Variants in TREH observed in about 807,000 individuals in gnomAD.
TREH encodes trehalase.
Under a neutral mutation model 80.5 loss-of-function variants are expected in TREH, and 69 were observed. The observed-to-expected ratio is 0.86, with a 90% CI of 0.71 to 1.05. The LOEUF (loss-of-function observed/expected upper bound fraction) is 1.05, where lower values mean the gene tolerates loss of function less well. TREH is among the 50% of genes least tolerant of loss of function. The pLI is 0.00. For missense variants in TREH, 716 were observed against 718.8 expected (o/e 1.00, Z 0.04); for synonymous variants, 309 against 293.5 (o/e 1.05, Z -0.54).
In TREH at chr11:118,663,342, G is replaced by GAGCT. The variant is rs1290852344; in HGVS notation, c.183_186dup (p.Pro63SerfsTer11). On this transcript the variant is annotated frameshift_variant, in exon 2 of 15. Coordinates refer to ENST00000264029, the MANE Select transcript of TREH (RefSeq NM_007180.3). LOFTEE classifies it high-confidence loss of function. ...CGTTCAGCCCTAGGTGCTTCACCTG[G>GAGCT]AGCTATAGACAGTGGCATGTCCACA... The GAGCT allele has an allele frequency of 1.7e-5, 27 of 1,587,656 alleles. No homozygotes were observed. In the Admixed American group the frequency reaches 3.7e-4, roughly 22 times the overall value.
Position 118,661,059 on chromosome 11 carries a change from G to A in TREH, c.857+101C>T, listed in dbSNP as rs1208344884. ...GAGGGCTCTCGGTGTCACCATCTGA[G>A]AGGCCAGGCTAAGTCACTCCTCCTC... On this transcript the variant is annotated intron_variant, in intron 8 of 14. Coordinates refer to ENST00000264029, the MANE Select transcript of TREH (RefSeq NM_007180.3). The surrounding 1 kb of genome is among the most constrained non-coding windows in gnomAD (Gnocchi z 4.2). 6.3e-6 allele frequency: 10 copies of A among 1,579,058 alleles called. No individual in the cohort carries two copies. Among genetic ancestry groups the A allele is most frequent in the Non-Finnish European group, 7.8e-6 (9 of 1,159,452 alleles).
intron 4 of TREH, among the ~76,000 whole-genome samples, chr11:118,662,515 A>C (rs1949335428): frequency 6.6e-6 from 1 of 152,216 alleles, no homozygotes; most frequent in Non-Finnish European, 1.5e-5. Flanking sequence ...CAGCAGTAGC[A>C]CTGATTCCTC....
chr11:118,677,319 A>G (rs1949489949), intron 1 of TREH, among the ~76,000 whole-genome samples: 1 of 152,260 alleles, frequency 6.6e-6, no homozygotes, highest in Non-Finnish European at 1.5e-5. Flanking sequence ...AGTCCTGTCC[A>G]TATAAATCCA....
chr11:118,676,730 T>G (rs1242788673), intron 1 of TREH, among the ~76,000 whole-genome samples: 2 of 8,050 alleles, frequency 2.5e-4, no homozygotes, highest in Non-Finnish European at 3.7e-4. Context: ...TGCTCACCAC[T>G]GCACTGCCAG....
In TREH at chr11:118,662,007, G is replaced by A; in HGVS notation, c.424-17C>T. Reference sequence around the variant, plus strand: ...TGGCTTCATCTGGAGTCGGGAGAGAGGGCAAGGGGAGCCTAGAATCCCCAC... The same window carrying A: ...TGGCTTCATCTGGAGTCGGGAGAGAAGGCAAGGGGAGCCTAGAATCCCCAC... On this transcript the variant is annotated splice_polypyrimidine_tract_variant and intron_variant, in intron 4 of 14. Coordinates refer to ENST00000264029, the MANE Select transcript of TREH (RefSeq NM_007180.3). The A allele has an allele frequency of 1.3e-6, 2 of 1,543,978 alleles. No homozygotes were observed. The highest frequency in any genetic ancestry group is 1.8e-6 in the Non-Finnish European group (2 of 1,140,082).
Position 118,658,202 on chromosome 11 carries a change from G to T in TREH, c.*87C>A. On this transcript the variant is annotated 3_prime_UTR_variant, in exon 15 of 15. Transcript: ENST00000264029. The stretch of plus-strand genomic sequence containing the variant: ...GCTCTGAGGACAGGCTGGGAGGTAG[G>T]AGGGCATGAAGAGGCAGGGGAAGGC... 6.7e-7 allele frequency: 1 copy of T among 1,490,220 alleles called. No individual in the cohort carries two copies. Among genetic ancestry groups the T allele is most frequent in the Non-Finnish European group, 9.0e-7 (1 of 1,108,826 alleles). The allele number at this position is 1,490,220 out of a possible 1,614,324, so 92.3% of individuals were successfully genotyped here. A position where few individuals can be genotyped will look rare whatever the true frequency, so the allele number is the denominator to read the frequency against.
intron 10 of TREH, 83 bp from the exon 11 acceptor site, chr11:118,660,047 C>T: frequency 7.6e-7 from 1 of 1,316,324 alleles, no homozygotes; most frequent in Non-Finnish European, 1.0e-6. Context: ...CTTTAGCCTC[C>T]CCGCTTTGTG....
chr11:118,661,952 AGAGAACCGCTCAGGGTGGCT>A lies in TREH; in HGVS notation c.442_461del (p.Pro150LeufsTer15). On this transcript the variant is annotated frameshift_variant, in exon 5 of 15. Coordinates refer to ENST00000264029, the MANE Select transcript of TREH (RefSeq NM_007180.3). LOFTEE classifies it high-confidence loss of function. This position sits in a 1 kb window ranked among gnomAD's most constrained non-coding sequence, Gnocchi z 4.2. ...TGAAGGGATGTTCTGAGTAGATGAGAGAGAACCGCTCAGGGTGGCTGAGAACCTCTGGCTTCATCTGGAGT... is the reference window on the plus strand; with the variant it reads ...TGAAGGGATGTTCTGAGTAGATGAGAGAGAACCTCTGGCTTCATCTGGAGT... 1 of 1,555,398 alleles carries A rather than the reference AGAGAACCGCTCAGGGTGGCT, an allele frequency of 6.4e-7. No homozygotes were observed. The highest frequency in any genetic ancestry group is 8.7e-7 in the Non-Finnish European group (1 of 1,149,216).
rs150645357 is a variant in TREH at position 118,664,830 on chromosome 11, C to G, written c.90-1391G>C. Among the ~76,000 whole-genome samples the G allele has an allele frequency of 1.9e-3, 296 of 152,230 alleles. 9 individuals carry two copies. In the East Asian group the frequency reaches 0.042, roughly 22 times the overall value. On this transcript the variant is annotated intron_variant, in intron 1 of 14. Transcript: ENST00000264029. ...TACCTTCAAAAATGTGTGCTCTGGC[C>G]GGGCACAGTGGCTCATGCCTGTAAT...
chr11:118,670,913 T>C (rs189060673), intron 1 of TREH, among the ~76,000 whole-genome samples: 6 of 152,374 alleles, frequency 3.9e-5, no homozygotes, highest in Non-Finnish European at 7.3e-5. Context: ...GCATTTCTTA[T>C]TAATGCATGG....
At chr11:118,659,201 C>G (rs1555144234) in intron 12 of TREH, among the ~76,000 whole-genome samples, 169 bp downstream of exon 12, 1 of 152,226 alleles carries the variant, frequency 6.6e-6, no homozygotes, top group Non-Finnish European at 1.5e-5. Flanking sequence ...ACTGATTGCA[C>G]TGGACAGGCT....
chr11:118,675,202 C>T (rs1241364188), intron 1 of TREH, among the ~76,000 whole-genome samples: 2 of 152,180 alleles, frequency 1.3e-5, no homozygotes, highest in East Asian at 3.8e-4. Flanking sequence ...ATCCCCTGCC[C>T]TTTCAACTTT....
At chr11:118,666,891 A>AT (rs1160617925) in intron 1 of TREH, among the ~76,000 whole-genome samples, 3 of 151,092 alleles carry the variant, frequency 2.0e-5, no homozygotes, top group South Asian at 2.1e-4. Flanking sequence ...TATTATTTTT[A>AT]TTTTTTTTTA....
intron 1 of TREH, among the ~76,000 whole-genome samples, chr11:118,671,762 G>A (rs1555146307): frequency 6.6e-6 from 1 of 152,044 alleles, no homozygotes; most frequent in African/African-American, 2.4e-5. Flanking sequence ...CAAACTAAAA[G>A]TCAAGGACAA....
At chr11:118,660,388 C>T (rs782048995) in intron 10 of TREH, 151 bp downstream of exon 10, 115 of 749,796 alleles carry the variant, frequency 1.5e-4, no homozygotes, top group Non-Finnish European at 2.0e-4. Flanking sequence ...TTGTCTGGTA[C>T]GCAAATGTGA....
At chr11:118,669,992 A>G (rs1949416200) in intron 1 of TREH, among the ~76,000 whole-genome samples, 1 of 152,052 alleles carries the variant, frequency 6.6e-6, no homozygotes, top group Admixed American at 6.6e-5. Context: ...CCTACTATGT[A>G]CCTCCAAAAA....
chr11:118,658,577 G>C, intron 14 of TREH, 103 bp downstream of exon 14: 1 of 1,518,238 alleles, frequency 6.6e-7, no homozygotes, highest in East Asian at 2.5e-5. Flanking sequence ...CTCCTCCCCC[G>C]GGCCCACATG....
Position 118,674,264 on chromosome 11 carries a change from C to T in TREH, c.89+5275G>A, listed in dbSNP as rs1012755459. Among the ~76,000 whole-genome samples the T allele has an allele frequency of 6.6e-6, 1 of 152,192 alleles. No individual in the cohort carries two copies. Among genetic ancestry groups the T allele is most frequent in the Non-Finnish European group, 1.5e-5 (1 of 68,042 alleles). On this transcript the variant is annotated intron_variant, in intron 1 of 14. Transcript: ENST00000264029. The surrounding 1 kb of genome is among the most constrained non-coding windows in gnomAD (Gnocchi z 4.4). ...TTATCTAGTCCAAAGTCTCAGCACT[C>T]GTGCCAGGAGGTGCTCTAAGACTTT...
chr11:118,670,529 T>C (rs563896721), intron 1 of TREH, among the ~76,000 whole-genome samples: 1 of 152,216 alleles, frequency 6.6e-6, no homozygotes. Flanking sequence ...AGATAGGAGC[T>C]TTTAGCTCAA....
Sources: gnomAD v4.1 joint callset for allele counts (sites outside exome capture counted in the v4.1 genomes callset) on GRCh38, gnomAD v4.1.1 for gene constraint, Gnocchi (gnomAD v3.1) non-coding constraint, MANE v1.5 for transcripts, NCBI Gene and HGNC (gene_info 2026-07-23, HGNC 2026-07-21) for gene names.